The following SYT9 variants were observed in gnomAD, a reference collection of about 807,000 sequenced individuals.
The protein encoded by SYT9 is synaptotagmin-9.
SYT9 carries 22 observed loss-of-function variants against 48.4 expected under a neutral mutation model. The observed-to-expected ratio is 0.45, with a 90% CI of 0.32 to 0.65. The LOEUF is 0.65. Ranked by LOEUF, SYT9 falls within the 30% of genes least tolerant of loss-of-function variation. SYT9 has a pLI of 0.03. For missense variants in SYT9, 577 were observed against 622.0 expected (o/e 0.93, Z 0.77); for synonymous variants, 265 against 245.0 (o/e 1.08, Z -0.76).
chr11:7,465,655 G>T (rs181486843), intron 6 of SYT9: 2 of 153,264 alleles, frequency 1.3e-5, no homozygotes, highest in East Asian at 3.8e-4. Flanking sequence ...GCACCACTCA[G>T]ACCTCATCTT....
At chr11:7,241,207 AACACAC>A (rs141196550) in intron 1 of SYT9, among the ~76,000 whole-genome samples, 34 of 144,200 alleles carry the variant, frequency 2.4e-4, no homozygotes, top group South Asian at 6.8e-4. Flanking sequence ...TGTTATTTAA[AACACAC>A]ACACACACAC....
In SYT9 at chr11:7,407,377, T is replaced by TGTACATGAGAAGCCATAGGTATCCAG. The variant is rs1192964087; in HGVS notation, c.1045-8665_1045-8664insGTACATGAGAAGCCATAGGTATCCAG. The stretch of plus-strand genomic sequence containing the variant: ...AGTCTATAATTTTTTTTTTTTTTTT[T>TGTACATGAGAAGCCATAGGTATCCAG]TTTTTTTTTTTTTTGAGACGGAGTC... On this transcript the variant is annotated intron_variant, in intron 3 of 6. Transcript: ENST00000318881. Among the ~76,000 whole-genome samples the TGTACATGAGAAGCCATAGGTATCCAG allele has an allele frequency of 5.0e-3, 329 of 66,198 alleles. 24 individuals carry two copies. Among genetic ancestry groups the TGTACATGAGAAGCCATAGGTATCCAG allele is most frequent in the African/African-American group, 0.011 (67 of 5,934 alleles). The allele number at this position is 66,198 out of a possible 152,430, so 43.4% of individuals were successfully genotyped here. A position where few individuals can be genotyped will look rare whatever the true frequency, so the allele number is the denominator to read the frequency against.
chr11:7,328,150 T>G (rs1356268596), intron 3 of SYT9, among the ~76,000 whole-genome samples: 15 of 151,788 alleles, frequency 9.9e-5, no homozygotes, highest in African/African-American at 3.6e-4. Context: ...TCTATTTTTT[T>G]AACTTACAAA....
At chr11:7,400,910 A>G (rs1293827350) in intron 3 of SYT9, among the ~76,000 whole-genome samples, 3 of 152,180 alleles carry the variant, frequency 2.0e-5, no homozygotes, top group Admixed American at 6.5e-5. Flanking sequence ...GCCTGCTGCT[A>G]TCTGTTGTTT....
intron 3 of SYT9, among the ~76,000 whole-genome samples, chr11:7,345,216 G>A (rs186692619): frequency 1.3e-5 from 2 of 152,090 alleles, no homozygotes; most frequent in African/African-American, 2.4e-5. Flanking sequence ...TCCCAAGTCC[G>A]TTTCCTCAAC....
At chr11:7,301,272 G>A (rs1355065963) in intron 1 of SYT9, among the ~76,000 whole-genome samples, 1 of 152,216 alleles carries the variant, frequency 6.6e-6, no homozygotes, top group African/African-American at 2.4e-5. Context: ...GATTGATTGG[G>A]CGGCAAAGAG....
At chr11:7,293,627 C>A (rs1404530774) in intron 1 of SYT9, among the ~76,000 whole-genome samples, 1 of 152,150 alleles carries the variant, frequency 6.6e-6, no homozygotes, top group Non-Finnish European at 1.5e-5. Flanking sequence ...AGTCATATGG[C>A]AGTTTCAGAA....
chr11:7,309,345 T>C (rs1017767311), intron 2 of SYT9, among the ~76,000 whole-genome samples: 2 of 152,136 alleles, frequency 1.3e-5, no homozygotes, highest in Non-Finnish European at 2.9e-5. Context: ...GGGGTCCACT[T>C]TTTTTCATTC....
chr11:7,383,780 C>T (rs1001117646), intron 3 of SYT9, among the ~76,000 whole-genome samples: 7 of 152,108 alleles, frequency 4.6e-5, no homozygotes, highest in South Asian at 2.1e-4. Flanking sequence ...GTTTATTTCA[C>T]GTTGCAGAAT....
chr11:7,322,101 G>A (rs1378656479), intron 3 of SYT9, among the ~76,000 whole-genome samples: 1 of 152,118 alleles, frequency 6.6e-6, no homozygotes, highest in Non-Finnish European at 1.5e-5. Context: ...CAGGGATGGG[G>A]GAAGGAAGGG....
intron 3 of SYT9, among the ~76,000 whole-genome samples, chr11:7,380,865 T>G (rs1194010882): frequency 6.6e-6 from 1 of 152,182 alleles, no homozygotes; most frequent in Non-Finnish European, 1.5e-5. Context: ...TATCATTGAC[T>G]TTTTAGGCCC....
chr11:7,254,938 C>A (rs1306986914), intron 1 of SYT9, among the ~76,000 whole-genome samples: 1 of 152,024 alleles, frequency 6.6e-6, no homozygotes, highest in Admixed American at 6.6e-5. Flanking sequence ...AGTTATAGTG[C>A]CCTGTTGGGG....
intron 6 of SYT9, among the ~76,000 whole-genome samples, chr11:7,445,335 C>T (rs1250067580): frequency 6.6e-6 from 1 of 152,168 alleles, no homozygotes; most frequent in African/African-American, 2.4e-5. Flanking sequence ...CCTCTGAAAG[C>T]ATATGTGGCA....
chr11:7,238,828 G>A, exon 1 of SYT9: 1 of 455,738 alleles, frequency 2.2e-6, no homozygotes, highest in Admixed American at 2.4e-5. Context: ...CTTCAATTTG[G>A]GAAAGAATGA....
upstream of SYT9, chr11:7,251,828 C>T (rs1847872284): frequency 5.3e-6 from 1 of 189,768 alleles, no homozygotes; most frequent in African/African-American, 2.3e-5. Context: ...CGCTATCCTA[C>T]CCTGCGGCGC....
chr11:7,330,148 A>C (rs1413125911), intron 3 of SYT9, among the ~76,000 whole-genome samples: 3 of 152,200 alleles, frequency 2.0e-5, no homozygotes, highest in Non-Finnish European at 2.9e-5. Context: ...AACAACCTAA[A>C]TGTCCTCCAA....
chr11:7,287,550 A>T (rs1848619075), intron 1 of SYT9, among the ~76,000 whole-genome samples: 1 of 152,188 alleles, frequency 6.6e-6, no homozygotes, highest in African/African-American at 2.4e-5. Context: ...GGATATTATC[A>T]CCCACACTGG....
chr11:7,328,214 A>G (rs1564864001), intron 3 of SYT9, among the ~76,000 whole-genome samples: 1 of 151,698 alleles, frequency 6.6e-6, no homozygotes, highest in African/African-American at 2.4e-5. Context: ...GTATAGCTGG[A>G]TTTTTTTTAA....
chr11:7,349,180 GCATTGCCGGGGA>G (rs201739904), intron 3 of SYT9, among the ~76,000 whole-genome samples: 1,929 of 152,168 alleles, frequency 0.013, 23 homozygotes, highest in Middle Eastern at 0.048. Flanking sequence ...AACTCCACGA[GCATTGCCGGGGA>G]CTGGGGGGAG....
Sources: gnomAD v4.1 joint callset for allele counts (sites outside exome capture counted in the v4.1 genomes callset) on GRCh38, gnomAD v4.1.1 for gene constraint, MANE v1.5 for transcripts, NCBI Gene and HGNC (gene_info 2026-07-23, HGNC 2026-07-21) for gene names.